ZNF565: variants seen among roughly 807,000 people sequenced by gnomAD.
ZNF565 encodes the protein zinc finger protein 565.
In ZNF565, 27 loss-of-function variants were observed where a neutral mutation model predicts 39.4. That is an observed-to-expected ratio of 0.69 (90% CI 0.51 to 0.95). The LOEUF (loss-of-function observed/expected upper bound fraction) is 0.95, where lower values mean the gene tolerates loss of function less well. Among genes scored for constraint, ZNF565 ranks in the 40% least tolerant of loss-of-function variants. ZNF565 has a pLI of 0.00. For missense variants in ZNF565, 524 were observed against 621.1 expected (o/e 0.84, Z 1.66); for synonymous variants, 185 against 216.6 (o/e 0.85, Z 1.28).
rs1242158411 is a variant in ZNF565 at position 36,223,529 on chromosome 19, AT to A, written c.56-21480del. Among the ~76,000 whole-genome samples, 5 of 151,588 alleles carry A rather than the reference AT, an allele frequency of 3.3e-5. No homozygotes were observed. The South Asian group carries it at 8.3e-4, about 25-fold the overall frequency. On this transcript the variant is annotated intron_variant, in intron 1 of 4. Transcript: ENST00000355114. ...AGGCGCATGCCACCACGCCTGGTTA[AT>A]TTTTTCGTATTTTTAGTAGAGACGG...
upstream of ZNF565, among the ~76,000 whole-genome samples, chr19:36,216,611 TCTCGC>T: frequency 6.8e-6 from 1 of 147,030 alleles, no homozygotes; most frequent in East Asian, 2.0e-4. Context: ...TGAGCCCAGA[TCTCGC>T]CACTGCACTC....
chr19:36,224,275 G>A (rs530358657), intron 1 of ZNF565, among the ~76,000 whole-genome samples: 4 of 152,220 alleles, frequency 2.6e-5, no homozygotes, highest in South Asian at 4.1e-4. Flanking sequence ...CCAGCTATTC[G>A]GAGGCTGAGA....
At chr19:36,189,279 A>G (rs1408425658) in intron 4 of ZNF565, among the ~76,000 whole-genome samples, 1 of 151,902 alleles carries the variant, frequency 6.6e-6, no homozygotes, top group Non-Finnish European at 1.5e-5. Flanking sequence ...ACAGAGCCAG[A>G]ACCTGTCTCA....
chr19:36,239,470 GCACC>G (rs1977760060), intron 1 of ZNF565, among the ~76,000 whole-genome samples: 1 of 151,194 alleles, frequency 6.6e-6, no homozygotes, highest in Admixed American at 6.6e-5. Flanking sequence ...CTACAGGCAC[GCACC>G]ACTATGCTGT....
At chr19:36,193,905 A>T (rs1285540880) in intron 4 of ZNF565, among the ~76,000 whole-genome samples, 1 of 152,152 alleles carries the variant, frequency 6.6e-6, no homozygotes, top group Non-Finnish European at 1.5e-5. Flanking sequence ...ACTGCACTCC[A>T]GCATGGGTGA....
chr19:36,220,250 A>G (rs765195522), intron 1 of ZNF565, among the ~76,000 whole-genome samples: 1 of 152,210 alleles, frequency 6.6e-6, no homozygotes, highest in Non-Finnish European at 1.5e-5. Flanking sequence ...GCATTTAAAA[A>G]ATACATTTTT....
chr19:36,242,303 G>C (rs1977814257), intron 1 of ZNF565, among the ~76,000 whole-genome samples: 1 of 152,096 alleles, frequency 6.6e-6, no homozygotes, highest in Non-Finnish European at 1.5e-5. Flanking sequence ...TCAGCTACTT[G>C]GGAGGCTGAG....
intron 1 of ZNF565, among the ~76,000 whole-genome samples, chr19:36,240,080 T>C (rs1394181164): frequency 1.3e-5 from 2 of 152,218 alleles, no homozygotes; most frequent in Non-Finnish European, 2.9e-5. Flanking sequence ...GCACATATAT[T>C]TCACATTTAA....
chr19:36,240,522 A>G (rs4806295), intron 1 of ZNF565, among the ~76,000 whole-genome samples: 25,175 of 152,184 alleles, frequency 0.17, 2,499 homozygotes, highest in Non-Finnish European at 0.22. Flanking sequence ...CCAAAACTCA[A>G]TGTTGAAATT....
At chr19:36,230,649 C>G (rs1266984482) in intron 1 of ZNF565, among the ~76,000 whole-genome samples, 2 of 152,146 alleles carry the variant, frequency 1.3e-5, no homozygotes, top group Non-Finnish European at 2.9e-5. Flanking sequence ...GCTTGCTGTC[C>G]TGTTCAGAGA....
rs190607620 is a variant in ZNF565, at chr19:36,221,779, T to C, written c.56-19729A>G. Among the ~76,000 whole-genome samples the C allele has an allele frequency of 1.8e-3, 280 of 152,180 alleles. 1 individual carries two copies. Among genetic ancestry groups the C allele is most frequent in the Non-Finnish European group, 3.3e-3 (222 of 67,996 alleles). On this transcript the variant is annotated intron_variant, in intron 1 of 4. Transcript: ENST00000355114. Reference sequence around the variant, plus strand: ...CTTGTTTATCCTTCAAGTGGGTTTTTTGTTTTTTGTTCTGTCACTATTATA... The same window carrying C: ...CTTGTTTATCCTTCAAGTGGGTTTTCTGTTTTTTGTTCTGTCACTATTATA...
At chr19:36,190,662 C>T (rs1377748633) in intron 4 of ZNF565, among the ~76,000 whole-genome samples, 1 of 150,728 alleles carries the variant, frequency 6.6e-6, no homozygotes, top group Non-Finnish European at 1.5e-5. Context: ...TGGGTGGACA[C>T]AATGTATTCA....
chr19:36,192,132 G>A (rs1975575854), intron 4 of ZNF565, among the ~76,000 whole-genome samples: 1 of 151,718 alleles, frequency 6.6e-6, no homozygotes, highest in Non-Finnish European at 1.5e-5. Context: ...GGGACTACAG[G>A]CACCCGCCAC....
intron 1 of ZNF565, among the ~76,000 whole-genome samples, chr19:36,239,374 C>A (rs1600006548): frequency 6.7e-6 from 1 of 150,164 alleles, no homozygotes; most frequent in African/African-American, 2.5e-5. Flanking sequence ...GGCCAGAATA[C>A]CATGGCAGGA....
intron 1 of ZNF565, among the ~76,000 whole-genome samples, chr19:36,241,556 G>C (rs1977800930): frequency 6.6e-6 from 1 of 151,452 alleles, no homozygotes; most frequent in Admixed American, 6.6e-5. Context: ...ACTTTGTGAA[G>C]CGGAGGCGGG....
At chr19:36,199,985 T>A (rs560354248) in intron 2 of ZNF565, among the ~76,000 whole-genome samples, 36 of 151,784 alleles carry the variant, frequency 2.4e-4, no homozygotes, top group Non-Finnish European at 3.8e-4. Flanking sequence ...GATGGTTATA[T>A]CTATCAACAT....
chr19:36,203,229 G>C (rs1032740754), intron 1 of ZNF565: 1 of 151,624 alleles, frequency 6.6e-6, no homozygotes, highest in Non-Finnish European at 1.5e-5. Context: ...CCAGCTACTC[G>C]GGAGGCTGAG....
chr19:36,242,216 A>G (rs1977812843), intron 1 of ZNF565, among the ~76,000 whole-genome samples: 2 of 151,886 alleles, frequency 1.3e-5, no homozygotes, highest in African/African-American at 2.4e-5. Context: ...GTTCAAGACC[A>G]TCCTGGCCAA....
intron 4 of ZNF565, among the ~76,000 whole-genome samples, chr19:36,190,123 C>T (rs1245664937): frequency 6.6e-6 from 1 of 151,956 alleles, no homozygotes; most frequent in Admixed American, 6.6e-5. Context: ...TGTGCCACCG[C>T]GCCCGTCCAT....
Sources: allele counts gnomAD v4.1 joint callset (sites outside exome capture counted in the v4.1 genomes callset), GRCh38; gene constraint gnomAD v4.1.1; transcripts MANE v1.5; gene names NCBI Gene and HGNC (gene_info 2026-07-23, HGNC 2026-07-21).